Variants in ACBD6 observed in about 807,000 individuals in gnomAD.
ACBD6 encodes the protein acyl-CoA-binding domain-containing protein 6.
A neutral mutation model predicts 37.2 loss-of-function variants in ACBD6; 28 were observed. That is an observed-to-expected ratio of 0.75 (90% confidence interval 0.56 to 1.03). The LOEUF is 1.03. Among genes scored for constraint, ACBD6 ranks in the 50% least tolerant of loss-of-function variants. The pLI is 0.00. For synonymous variants in ACBD6, 113 were observed against 126.8 expected (o/e 0.89, Z 0.73); for missense variants, 340 against 337.4 (o/e 1.01, Z -0.06).
chr1:180,320,423 G>A (rs1651022950), intron 6 of ACBD6, among the ~76,000 whole-genome samples: 1 of 152,062 alleles, frequency 6.6e-6, no homozygotes, highest in Non-Finnish European at 1.5e-5. Flanking sequence ...ATCACTTGAG[G>A]CCAGGAGTTC....
At chr1:180,493,268 A>ACAAAAC (rs762332363) in intron 2 of ACBD6, among the ~76,000 whole-genome samples, 1 of 133,024 alleles carries the variant, frequency 7.5e-6, no homozygotes, top group Middle Eastern at 3.3e-3. Context: ...AAAAAAAAAA[A>ACAAAAC]AAAAAAAAAA....
intron 6 of ACBD6, among the ~76,000 whole-genome samples, chr1:180,349,157 T>TA (rs942199054): frequency 4.0e-5 from 6 of 151,848 alleles, no homozygotes; most frequent in African/African-American, 1.4e-4. Flanking sequence ...TATTTACTTA[T>TA]AAAAAAATAG....
At chr1:180,336,640 G>A (rs1571377086) in intron 6 of ACBD6, among the ~76,000 whole-genome samples, 3 of 151,416 alleles carry the variant, frequency 2.0e-5, no homozygotes, top group South Asian at 2.1e-4. Context: ...AAAGCTAGCA[G>A]AAGGCAAGAA....
At chr1:180,355,792 T>A (rs1241338887) in intron 6 of ACBD6, among the ~76,000 whole-genome samples, 1 of 152,200 alleles carries the variant, frequency 6.6e-6, no homozygotes, top group East Asian at 1.9e-4. Context: ...TTGAAGCTTA[T>A]TCCAACTGTC....
chr1:180,297,899 C>A (rs1257166431), intron 7 of ACBD6, among the ~76,000 whole-genome samples: 1 of 152,140 alleles, frequency 6.6e-6, no homozygotes, highest in African/African-American at 2.4e-5. Flanking sequence ...CACCACCAAG[C>A]ACAGCTAATT....
chr1:180,318,684 G>C (rs1482787280), intron 6 of ACBD6, among the ~76,000 whole-genome samples: 1 of 152,076 alleles, frequency 6.6e-6, no homozygotes, highest in African/African-American at 2.4e-5. Context: ...CCCAACCCCG[G>C]ACTTGGAGCA....
At chr1:180,409,687 G>A (rs1253887997) in intron 5 of ACBD6, among the ~76,000 whole-genome samples, 5 of 152,192 alleles carry the variant, frequency 3.3e-5, no homozygotes, top group Admixed American at 3.3e-4. Context: ...TGTTCTGACT[G>A]CTCCACTGAC....
downstream of ACBD6, among the ~76,000 whole-genome samples, chr1:180,286,721 ATT>A (rs1405100295): frequency 5.3e-5 from 8 of 152,250 alleles, no homozygotes; most frequent in African/African-American, 1.7e-4. Context: ...TAATTAAATT[ATT>A]TCAAAAATGA....
chr1:180,352,763 G>T (rs1571397925), intron 6 of ACBD6, among the ~76,000 whole-genome samples: 1 of 152,332 alleles, frequency 6.6e-6, no homozygotes, highest in East Asian at 1.9e-4. Flanking sequence ...TTTATACACA[G>T]AGTACATCCC....
chr1:180,311,883 C>T (rs1650607573), intron 7 of ACBD6, among the ~76,000 whole-genome samples: 1 of 152,164 alleles, frequency 6.6e-6, no homozygotes, highest in African/African-American at 2.4e-5. Flanking sequence ...TATTAAATGT[C>T]TGTAGTTCCA....
chr1:180,420,481 T>G (rs554847439), intron 4 of ACBD6, among the ~76,000 whole-genome samples: 1 of 152,142 alleles, frequency 6.6e-6, no homozygotes. Flanking sequence ...TTCCATAGAG[T>G]ACCATGTGTA....
chr1:180,406,511 T>C (rs78140264), intron 5 of ACBD6, among the ~76,000 whole-genome samples: 44 of 152,262 alleles, frequency 2.9e-4, no homozygotes, highest in African/African-American at 1.0e-3. Flanking sequence ...TACAAATACA[T>C]TTTATTTAAA....
chr1:180,333,993 T>A (rs1322936032), intron 6 of ACBD6, among the ~76,000 whole-genome samples: 1 of 152,098 alleles, frequency 6.6e-6, no homozygotes, highest in Non-Finnish European at 1.5e-5. Flanking sequence ...TGCCGAGGCT[T>A]GAGTAGGTAA....
At chr1:180,416,306 C>G (rs571492811) in intron 4 of ACBD6, among the ~76,000 whole-genome samples, 1 of 152,260 alleles carries the variant, frequency 6.6e-6, no homozygotes, top group South Asian at 2.1e-4. Flanking sequence ...CTCCCTCTAC[C>G]ATTTTCTAAG....
intron 3 of ACBD6, among the ~76,000 whole-genome samples, chr1:180,451,864 G>C (rs1376115145): frequency 2.0e-5 from 3 of 152,178 alleles, no homozygotes; most frequent in Non-Finnish European, 4.4e-5. Context: ...GGAGAACACA[G>C]TGGGTGAATT....
chr1:180,491,870 C>T (rs1393498249), intron 3 of ACBD6, among the ~76,000 whole-genome samples: 1 of 152,092 alleles, frequency 6.6e-6, no homozygotes, highest in Non-Finnish European at 1.5e-5. Flanking sequence ...AGTGCAGTGG[C>T]CTGATTTTGG....
intron 3 of ACBD6, among the ~76,000 whole-genome samples, chr1:180,443,963 T>C (rs1479824351): frequency 1.3e-5 from 2 of 152,020 alleles, no homozygotes; most frequent in Non-Finnish European, 2.9e-5. Flanking sequence ...TATAATACAA[T>C]GTCTGAAAAT....
intron 3 of ACBD6, among the ~76,000 whole-genome samples, chr1:180,482,141 A>T (rs186190517): frequency 1.7e-4 from 26 of 152,320 alleles, no homozygotes; most frequent in African/African-American, 5.3e-4. Context: ...TTATTTTTTT[A>T]AATATAAATT....
chr1:180,417,287 T>G (rs1648137846), intron 4 of ACBD6, among the ~76,000 whole-genome samples: 2 of 152,160 alleles, frequency 1.3e-5, no homozygotes. Flanking sequence ...TTTTCCACAT[T>G]CCCTCTGCTC....
Sources: allele counts gnomAD v4.1 joint callset (sites outside exome capture counted in the v4.1 genomes callset), GRCh38; gene constraint gnomAD v4.1.1; transcripts MANE v1.5; gene names NCBI Gene and HGNC (gene_info 2026-07-23, HGNC 2026-07-21).